Variants in KDM5A observed in about 807,000 individuals in gnomAD.
KDM5A encodes lysine-specific demethylase 5A.
KDM5A carries 42 observed loss-of-function variants against 193.5 expected under a neutral mutation model. That is an observed-to-expected ratio of 0.22 (90% CI 0.17 to 0.28). The LOEUF is 0.28. Ranked by LOEUF, KDM5A falls within the 10% of genes least tolerant of loss-of-function variation. KDM5A has a pLI of 1.00. For synonymous variants in KDM5A, 796 were observed against 718.1 expected (o/e 1.11, Z -1.73); for missense variants, 1,692 against 2,055.1 (o/e 0.82, Z 3.42).
Position 350,733 on chromosome 12 carries a change from C to T in KDM5A, c.1196G>A (p.Ser399Asn). The T allele has an allele frequency of 6.2e-7, 1 of 1,614,010 alleles. No individual in the cohort carries two copies. The highest frequency in any genetic ancestry group is 8.5e-7 in the Non-Finnish European group (1 of 1,179,936). The change falls in exon 10 of 28, where the codon AGC (serine) becomes AAC (asparagine). Residue 399 changes from serine (S) to asparagine (N), a missense_variant. Ser to Asn is a conservative substitution (Grantham distance 46). Transcript: ENST00000399788. ...LVEKEFWRLV[S>N]SIEEDVIVEY... ...CACAATAACATCTTCTTCAATGCTG[C>T]TTACCAGCCGCCAAAATTCCTTTTC...
At chr12:387,512 T>C (rs1470982346) in intron 1 of KDM5A, among the ~76,000 whole-genome samples, 4 of 152,214 alleles carry the variant, frequency 2.6e-5, no homozygotes, top group Admixed American at 1.3e-4. Flanking sequence ...ATGGAAGTTT[T>C]TGGAGGATGG....
chr12:340,555 C>T (rs1943991158), intron 10 of KDM5A, among the ~76,000 whole-genome samples: 1 of 151,948 alleles, frequency 6.6e-6, no homozygotes, highest in Non-Finnish European at 1.5e-5. Flanking sequence ...ATTAGCTGGG[C>T]ATGGTGGTGG....
chr12:351,335 T>C (rs559542718), intron 9 of KDM5A, among the ~76,000 whole-genome samples: 56 of 152,082 alleles, frequency 3.7e-4, no homozygotes, highest in Admixed American at 5.9e-4. Flanking sequence ...CTGTGTTAGT[T>C]TGCTGGAAAT....
At chr12:291,045 C>T (rs2300128) in intron 27 of KDM5A, among the ~76,000 whole-genome samples, 10,713 of 152,016 alleles carry the variant, frequency 0.07, 846 homozygotes, top group East Asian at 0.35. Context: ...GCCTCTTTAA[C>T]AAACAAACTC....
rs2137387757 is a variant in KDM5A, at chr12:307,516, C to T, written c.3868G>A (p.Glu1290Lys). Residue 1290 changes from glutamate (E) to lysine (K), a missense_variant, in exon 23 of 28, where the codon GAA (glutamate) becomes AAA (lysine). Transcript: ENST00000399788. This position sits in a 1 kb window ranked among gnomAD's most constrained non-coding sequence, Gnocchi z 4.3. ...GCACTGATGATCTTTTCAGTTTTTT[C>T]TCGAGCCGCCTGTTCCACCATACGC... ...SQRMVEQAAR[E>K]KTEKIISAEL... The T allele has an allele frequency of 2.5e-6, 4 of 1,613,864 alleles. No individual in the cohort carries two copies. Among genetic ancestry groups the T allele is most frequent in the Non-Finnish European group, 3.4e-6 (4 of 1,180,030 alleles).
At chr12:362,941 A>T in intron 5 of KDM5A, 22 bp downstream of exon 5, 2 of 1,613,006 alleles carry the variant, frequency 1.2e-6, no homozygotes, top group Non-Finnish European at 1.7e-6. Flanking sequence ...TAAAAATTTA[A>T]AAAAGCCCAA....
chr12:314,562 T>C (rs1038441563), intron 19 of KDM5A, among the ~76,000 whole-genome samples: 1 of 152,136 alleles, frequency 6.6e-6, no homozygotes, highest in Non-Finnish European at 1.5e-5. Flanking sequence ...GTAAGTGTAA[T>C]GATAAATGAA....
At chr12:313,220 G>A (rs2137397346) in intron 19 of KDM5A, 26 bp from the exon 20 acceptor site, 1 of 1,612,604 alleles carries the variant, frequency 6.2e-7, no homozygotes, top group Non-Finnish European at 8.5e-7. Context: ...AAACAGAGTA[G>A]GATGCATGAG....
chr12:366,618 TA>T (rs1275746002), intron 3 of KDM5A, among the ~76,000 whole-genome samples: 1 of 152,198 alleles, frequency 6.6e-6, no homozygotes, highest in Non-Finnish European at 1.5e-5. Flanking sequence ...AAGAGTTTTA[TA>T]TGGAAGATCA....
rs1223495542 is a variant in KDM5A at position 373,631 on chromosome 12, G to C, written c.367-7527C>G. ...TCTTGCCTTCTGCTAGCTTTTGAAT[G>C]TGTTTGTACTTCCTTCTCTAGTTCT... On this transcript the variant is annotated intron_variant, in intron 3 of 27. Coordinates refer to ENST00000399788, the MANE Select transcript of KDM5A (RefSeq NM_001042603.3). Among the ~76,000 whole-genome samples, 5 of 152,158 alleles carry C rather than the reference G, an allele frequency of 3.3e-5. No homozygotes were observed. The East Asian group carries it at 9.6e-4, about 29-fold the overall frequency.
rs1367070691 is a variant in KDM5A, at chr12:281,960, C to G, written c.*3496G>C. Reference sequence around the variant, plus strand: ...GCGCAGAAGCAAAGCCCAGGCAGAACCATGCTAACCTTACAGCTCAGCCTG... The same window carrying G: ...GCGCAGAAGCAAAGCCCAGGCAGAAGCATGCTAACCTTACAGCTCAGCCTG... On this transcript the variant is annotated 3_prime_UTR_variant, in exon 28 of 28. Transcript: ENST00000399788. 1 of 273,364 alleles carries G rather than the reference C, an allele frequency of 3.7e-6. No individual in the cohort carries two copies. The highest frequency in any genetic ancestry group is 5.5e-5 in the Admixed American group (1 of 18,336). The allele number at this position is 273,364 out of a possible 1,614,324, so 16.9% of individuals were successfully genotyped here. A position where few individuals can be genotyped will look rare whatever the true frequency, so the allele number is the denominator to read the frequency against.
At chr12:384,568 T>C (rs1236679834) in intron 2 of KDM5A, among the ~76,000 whole-genome samples, 2 of 152,236 alleles carry the variant, frequency 1.3e-5, no homozygotes, top group Admixed American at 6.5e-5. Context: ...TTTTTCATTA[T>C]TGCTTATTTC....
intron 27 of KDM5A, among the ~76,000 whole-genome samples, chr12:291,265 T>G (rs150080483): frequency 6.6e-6 from 1 of 152,224 alleles, no homozygotes; most frequent in Non-Finnish European, 1.5e-5. Context: ...AAGATTAGAC[T>G]ATAGGATATA....
In KDM5A at chr12:385,982, G is replaced by A. The variant is rs535089729; in HGVS notation, c.166-8C>T. On this transcript the variant is annotated splice_region_variant and splice_polypyrimidine_tract_variant and intron_variant, in intron 1 of 27. Transcript: ENST00000399788. Reference sequence around the variant, plus strand: ...AAATGGAGGCTGCCAGTCCTAAATAGAAAGATTTTTTTAAAAAAACACAGT... The same window carrying A: ...AAATGGAGGCTGCCAGTCCTAAATAAAAAGATTTTTTTAAAAAAACACAGT... The A allele has an allele frequency of 4.3e-6, 7 of 1,610,282 alleles. No individual in the cohort carries two copies. The highest frequency in any genetic ancestry group is 5.1e-6 in the Non-Finnish European group (6 of 1,176,864).
At chr12:333,162 T>C (rs1943884334) in intron 12 of KDM5A, 1 of 376,132 alleles carries the variant, frequency 2.7e-6, no homozygotes. Context: ...CTCACACCTG[T>C]AATCCCAACA....
intron 3 of KDM5A, among the ~76,000 whole-genome samples, chr12:372,470 T>A (rs1404818013): frequency 2.0e-5 from 3 of 152,204 alleles, no homozygotes; most frequent in Non-Finnish European, 4.4e-5. Flanking sequence ...GAAGTTGCTT[T>A]TCAGCTTTAG....
intron 7 of KDM5A, among the ~76,000 whole-genome samples, chr12:354,581 C>A (rs1944207894): frequency 6.6e-6 from 1 of 152,126 alleles, no homozygotes; most frequent in Admixed American, 6.6e-5. Context: ...TCCTGGCTAA[C>A]ACAGTGAAAC....
intron 10 of KDM5A, among the ~76,000 whole-genome samples, chr12:345,561 C>T (rs1022234654): frequency 1.3e-5 from 2 of 152,184 alleles, no homozygotes; most frequent in African/African-American, 2.4e-5. Context: ...TCATAACAAA[C>T]TGTCTCTCAG....
rs367545238 is a variant in KDM5A, at chr12:295,583, T to C, written c.4445A>G (p.His1482Arg). The C allele has an allele frequency of 8.1e-6, 13 of 1,613,820 alleles. No homozygotes were observed. Among genetic ancestry groups the C allele is most frequent in the African/African-American group, 1.3e-5 (1 of 74,934 alleles). Residue 1482 changes from histidine to arginine, a missense_variant, in exon 26 of 28, where the codon CAT becomes CGT. His to Arg is a conservative substitution (Grantham distance 29, BLOSUM62 0). This residue lies in a region of KDM5A where 965 missense variants were observed against 1,061.0 expected (regional missense o/e 0.91). Transcript: ENST00000399788. ...GTATTAAATCCACACCTCCATGATA[T>C]GCAAGAATCTGTCTTCAGAGGGTGG... Reference protein sequence around the residue: ...THPPSEDRFLHIMEDDSMEEK... With the variant: ...THPPSEDRFLRIMEDDSMEEK...
Sources: allele counts gnomAD v4.1 joint callset (sites outside exome capture counted in the v4.1 genomes callset), GRCh38; gene constraint gnomAD v4.1.1; regional missense constraint gnomAD v4.1.1; non-coding constraint Gnocchi (gnomAD v3.1); transcripts MANE v1.5; gene names NCBI Gene and HGNC (gene_info 2026-07-23, HGNC 2026-07-21).